Variants in CYB5B observed in about 807,000 individuals in gnomAD.
The protein encoded by CYB5B is cytochrome b5 type B (outer mitochondrial membrane).
In CYB5B, 14 loss-of-function variants were observed where a neutral mutation model predicts 21.3. The observed-to-expected ratio is 0.66, with a 90% CI of 0.43 to 1.03. The LOEUF (loss-of-function observed/expected upper bound fraction) is 1.03, where lower values mean the gene tolerates loss of function less well. CYB5B is among the 50% of genes least tolerant of loss of function. The pLI, the probability that CYB5B is intolerant of heterozygous loss-of-function variation, is 0.00. For synonymous variants in CYB5B, 69 were observed against 68.4 expected, an observed-to-expected ratio of 1.01 and a Z score of -0.04; for missense variants, 166 against 185.1, an observed-to-expected ratio of 0.90 and a Z score of 0.60.
At chr16:69,449,312 C>T (rs1348880219) in intron 3 of CYB5B, 1 of 152,052 alleles carries the variant, frequency 6.6e-6, no homozygotes, top group Non-Finnish European at 1.5e-5. Context: ...GGTAACCAGC[C>T]ATCATTTTTT....
Position 69,459,051 on chromosome 16 carries a change from T to C in CYB5B, c.334-42T>C, listed in dbSNP as rs369060839. 9.3e-4 allele frequency: 1,434 copies of C among 1,547,358 alleles called. 26 individuals are homozygous for C. In the South Asian group the frequency reaches 0.015, roughly 17 times the overall value. ...CATGTGCTATGTTAATCTTCTTTCT[T>C]TTTGTTTGTTATTTTTGAATTTTTT... On this transcript the variant is annotated intron_variant, in intron 3 of 4. Coordinates refer to ENST00000307892, the MANE Select transcript of CYB5B (RefSeq NM_030579.3).
intron 3 of CYB5B, among the ~76,000 whole-genome samples, chr16:69,456,534 G>C (rs987584892): frequency 6.6e-6 from 1 of 152,106 alleles, no homozygotes; most frequent in Admixed American, 6.6e-5. Flanking sequence ...TGCTTGGTAG[G>C]GGTTATGCTG....
chr16:69,462,393 T>A (rs2142829826), intron 4 of CYB5B, 37 bp from the exon 5 acceptor site: 2 of 1,512,238 alleles, frequency 1.3e-6, no homozygotes, highest in South Asian at 1.1e-5. Context: ...TGGCTTAAAA[T>A]ATTAACAACT....
chr16:69,458,390 A>C (rs1293552516), intron 3 of CYB5B, among the ~76,000 whole-genome samples: 4 of 152,194 alleles, frequency 2.6e-5, no homozygotes, highest in Non-Finnish European at 5.9e-5. Context: ...TTATGTAAAC[A>C]GATTTATATA....
At chr16:69,443,717 T>G (rs907588303) in intron 1 of CYB5B, among the ~76,000 whole-genome samples, 3 of 152,282 alleles carry the variant, frequency 2.0e-5, no homozygotes, top group Admixed American at 1.3e-4. Context: ...TAGCTGGGCA[T>G]GGTGGCAGGC....
chr16:69,464,913 A>G lies in CYB5B; in HGVS notation c.*2393A>G, dbSNP rs1001467647. 7 of 152,608 alleles carry G rather than the reference A, an allele frequency of 4.6e-5. No individual in the cohort carries two copies. The highest frequency in any genetic ancestry group is 1.3e-4 in the Admixed American group (2 of 15,272). The allele number at this position is 152,608 out of a possible 1,614,324, so 9.5% of individuals were successfully genotyped here. On this transcript the variant is annotated 3_prime_UTR_variant, in exon 5 of 5. Coordinates refer to ENST00000307892, the MANE Select transcript of CYB5B (RefSeq NM_030579.3). ...TATCTGGAAAATCACTTTGGGGTCC[A>G]TTTACTGTTATTTTGTTGCCTACAA...
At chr16:69,452,270 C>G (rs1319622302) in intron 3 of CYB5B, among the ~76,000 whole-genome samples, 2 of 141,986 alleles carry the variant, frequency 1.4e-5, no homozygotes, top group African/African-American at 5.3e-5. Flanking sequence ...GCTGAGATCG[C>G]GCCACTGCAC....
chr16:69,445,736 G>C (rs1197657960), intron 1 of CYB5B, among the ~76,000 whole-genome samples: 1 of 152,110 alleles, frequency 6.6e-6, no homozygotes, highest in Admixed American at 6.5e-5. Flanking sequence ...GGCCGAGGCT[G>C]GTGGATCACC....
intron 4 of CYB5B, 47 bp downstream of exon 4, chr16:69,459,168 G>C (rs2015009844): frequency 1.3e-6 from 2 of 1,580,316 alleles, no homozygotes; most frequent in Non-Finnish European, 1.7e-6. Flanking sequence ...GTAATGTCTG[G>C]CAAGAGACTC....
At chr16:69,442,401 C>T (rs1032419418) in intron 1 of CYB5B, among the ~76,000 whole-genome samples, 1 of 152,136 alleles carries the variant, frequency 6.6e-6, no homozygotes, top group Non-Finnish European at 1.5e-5. Context: ...TCATCCAGCA[C>T]ACACACTGCA....
At chr16:69,450,249 A>T (rs914265208) in intron 3 of CYB5B, 3 of 151,788 alleles carry the variant, frequency 2.0e-5, no homozygotes, top group Non-Finnish European at 4.4e-5. Flanking sequence ...AACCCAAAAA[A>T]CTATTGAGCC....
In CYB5B at chr16:69,462,585, G is replaced by A. The variant is rs1265720268; in HGVS notation, c.*65G>A. On this transcript the variant is annotated 3_prime_UTR_variant, in exon 5 of 5. Coordinates refer to ENST00000307892, the MANE Select transcript of CYB5B (RefSeq NM_030579.3). ...GCGAAAACTAGAGACTTGCTTGGGG[G>A]CTGCAGAAGTGCCCTCTCCTCGAAT... The A allele has an allele frequency of 1.1e-5, 15 of 1,364,118 alleles. No individual in the cohort carries two copies. In the East Asian group the frequency reaches 3.4e-4, roughly 31 times the overall value. The allele number at this position is 1,364,118 out of a possible 1,614,324, so 84.5% of individuals were successfully genotyped here. A position where few individuals can be genotyped will look rare whatever the true frequency, so the allele number is the denominator to read the frequency against.
intron 1 of CYB5B, among the ~76,000 whole-genome samples, chr16:69,444,450 TC>T (rs754844311): frequency 2.0e-5 from 3 of 152,092 alleles, no homozygotes; most frequent in Non-Finnish European, 4.4e-5. Context: ...TGATTCCAAC[TC>T]CTCCAGCTGG....
At chr16:69,458,749 C>G (rs564825071) in intron 3 of CYB5B, among the ~76,000 whole-genome samples, 51 of 152,210 alleles carry the variant, frequency 3.4e-4, no homozygotes, top group Admixed American at 1.8e-3. Flanking sequence ...CAGTGGCAAG[C>G]CCAGCTGAAC....
Position 69,452,137 on chromosome 16 carries a change from G to A in CYB5B, c.333+3993G>A, listed in dbSNP as rs368401192. Among the ~76,000 whole-genome samples, 147 of 151,378 alleles carry A rather than the reference G, an allele frequency of 9.7e-4. 4 individuals carry two copies. In the East Asian group the frequency reaches 0.022, roughly 22 times the overall value. ...CCTTTAAAAAAGTAAAAAGCTGGCC[G>A]GGCGCGGTGGCTCAAGCCTGTAATC... is the stretch of plus-strand genomic sequence containing the variant. On this transcript the variant is annotated intron_variant, in intron 3 of 4. Transcript: ENST00000307892.
At chr16:69,440,337 C>T (rs538696748) in intron 1 of CYB5B, among the ~76,000 whole-genome samples, 1 of 152,222 alleles carries the variant, frequency 6.6e-6, no homozygotes, top group African/African-American at 2.4e-5. Context: ...CAATCACATT[C>T]TACTTTGTGT....
At chr16:69,424,884 T>A in intron 1 of CYB5B, 27 bp downstream of exon 1, 1 of 1,528,654 alleles carries the variant, frequency 6.5e-7, no homozygotes, top group Non-Finnish European at 8.8e-7. Flanking sequence ...GGGAGGCCTC[T>A]GAAGCTGCTG....
At chr16:69,441,147 TTCTC>T (rs71151108) in intron 1 of CYB5B, among the ~76,000 whole-genome samples, 10 of 145,344 alleles carry the variant, frequency 6.9e-5, no homozygotes, top group Non-Finnish European at 1.2e-4. Flanking sequence ...CCAGTTTTAC[TTCTC>T]TCTTTTTTTT....
At chr16:69,425,269 A>G (rs939383880) in intron 1 of CYB5B, among the ~76,000 whole-genome samples, 1 of 152,122 alleles carries the variant, frequency 6.6e-6, no homozygotes, top group East Asian at 1.9e-4. Flanking sequence ...TGCCTTCTGA[A>G]GTAATACCGG....
Sources: gnomAD v4.1 joint callset for allele counts (sites outside exome capture counted in the v4.1 genomes callset) on GRCh38, gnomAD v4.1.1 for gene constraint, MANE v1.5 for transcripts, NCBI Gene and HGNC (gene_info 2026-07-23, HGNC 2026-07-21) for gene names.